PILRA: variants seen among roughly 807,000 people sequenced by gnomAD.
The protein encoded by PILRA is paired immunoglobin like type 2 receptor alpha, also known as paired immunoglobulin-like type 2 receptor alpha.
In PILRA, 37 loss-of-function variants were observed where a neutral mutation model predicts 33.1. The ratio of observed to expected loss-of-function variants is 1.12; its 90% CI spans 0.86 to 1.47. PILRA has a LOEUF of 1.47. Ranked by LOEUF, PILRA falls within the 40% of genes most tolerant of loss-of-function variation. The pLI is 0.00. For missense variants in PILRA, 312 were observed against 376.2 expected (o/e 0.83, Z 1.41); for synonymous variants, 146 against 149.9 (o/e 0.97, Z 0.19).
intron 2 of PILRA, among the ~76,000 whole-genome samples, chr7:100,389,102 T>C (rs936728262): frequency 1.3e-5 from 2 of 152,214 alleles, no homozygotes; most frequent in African/African-American, 4.8e-5. Flanking sequence ...TAGAGATTTC[T>C]ATATCTTGAA....
rs111875903 is a variant in PILRA at position 100,392,013 on chromosome 7, T to G, written c.673+1907T>G. 3.5e-3 allele frequency among the ~76,000 whole-genome samples: 539 copies of G among 152,164 alleles called. 4 individuals carry two copies. The highest frequency in any genetic ancestry group is 0.012 in the African/African-American group (511 of 41,538). On this transcript the variant is annotated intron_variant, in intron 3 of 6. Transcript: ENST00000198536. ...GATCTGAAGTTACCATCAAGAATGT[T>G]TGCAATGGGCTAGGCATGATGGCTC...
At chr7:100,388,218 G>C (rs1160626613) in intron 2 of PILRA, among the ~76,000 whole-genome samples, 2 of 152,036 alleles carry the variant, frequency 1.3e-5, no homozygotes, top group Non-Finnish European at 2.9e-5. Context: ...TTTCTCTTAA[G>C]AGTGGATGAA....
chr7:100,395,798 G>A (rs1243773664), intron 3 of PILRA, among the ~76,000 whole-genome samples: 3 of 152,022 alleles, frequency 2.0e-5, no homozygotes, highest in Non-Finnish European at 4.4e-5. Flanking sequence ...TAGTGCAAAT[G>A]ATACAGAAAA....
chr7:100,394,407 A>G (rs1791449709), intron 3 of PILRA, among the ~76,000 whole-genome samples: 1 of 152,114 alleles, frequency 6.6e-6, no homozygotes, highest in Non-Finnish European at 1.5e-5. Flanking sequence ...CTACAGACCA[A>G]TAACTCTGAT....
At chr7:100,373,861 C>G (rs942206151) in intron 1 of PILRA, 141 bp downstream of exon 1, 3 of 1,271,932 alleles carry the variant, frequency 2.4e-6, no homozygotes, top group African/African-American at 3.0e-5. Flanking sequence ...GGCGGGTGAC[C>G]CCATCCTCTC....
chr7:100,394,922 T>A (rs1006116931), intron 3 of PILRA, among the ~76,000 whole-genome samples: 1 of 152,104 alleles, frequency 6.6e-6, no homozygotes, highest in Non-Finnish European at 1.5e-5. Context: ...ATTTCTTGCC[T>A]GTGATACCAA....
At position 100,378,309 on chromosome 7, in the gene PILRA, G is replaced by A. The variant is rs115946818; in HGVS notation, c.454+3876G>A. Among the ~76,000 whole-genome samples, 619 of 151,854 alleles carry A rather than the reference G, an allele frequency of 4.1e-3. 5 individuals carry two copies. Among genetic ancestry groups the A allele is most frequent in the African/African-American group, 0.014 (589 of 41,416 alleles). On this transcript the variant is annotated intron_variant, in intron 2 of 6. Coordinates refer to ENST00000198536, the MANE Select transcript of PILRA (RefSeq NM_013439.3). The stretch of plus-strand genomic sequence containing the variant: ...TGGGGCTGCAATGAGCTGTGATTTC[G>A]CAACTGCACTCCAGCCTGAGTGGCA...
chr7:100,392,639 G>A (rs1791413403), intron 3 of PILRA, among the ~76,000 whole-genome samples: 1 of 152,114 alleles, frequency 6.6e-6, no homozygotes, highest in African/African-American at 2.4e-5. Flanking sequence ...TACAATATTG[G>A]CATATTCATA....
At chr7:100,379,266 G>T (rs1420650972) in intron 2 of PILRA, among the ~76,000 whole-genome samples, 2 of 151,874 alleles carry the variant, frequency 1.3e-5, no homozygotes, top group African/African-American at 4.8e-5. Context: ...TGTAATCCCA[G>T]CCACTCGGGA....
At chr7:100,382,858 ACT>A (rs945944485) in intron 2 of PILRA, among the ~76,000 whole-genome samples, 5 of 152,032 alleles carry the variant, frequency 3.3e-5, no homozygotes, top group African/African-American at 1.2e-4. Flanking sequence ...AAAGGAAGAA[ACT>A]CTGAACACAT....
chr7:100,373,835 G>A (rs950843875), intron 1 of PILRA, 115 bp downstream of exon 1: 9 of 1,437,988 alleles, frequency 6.3e-6, no homozygotes, highest in Non-Finnish European at 6.7e-6. Flanking sequence ...CAGGAAACAA[G>A]GGCGGGTCCC....
chr7:100,388,749 CAAAAAAAAAAAAAAAA>C (rs913179599), intron 2 of PILRA, among the ~76,000 whole-genome samples: 77 of 12,866 alleles, frequency 6.0e-3, no homozygotes, highest in Non-Finnish European at 0.013. Context: ...GCCTCCGTCT[CAAAAAAAAAAAAAAAA>C]AAAAAAAAAA....
At chr7:100,397,126 TA>T (rs34593183) in intron 3 of PILRA, among the ~76,000 whole-genome samples, 4,389 of 125,680 alleles carry the variant, frequency 0.035, 217 homozygotes, top group African/African-American at 0.12. Flanking sequence ...GTCTAAACAT[TA>T]AAAAAAAAAA....
intron 2 of PILRA, 97 bp from the exon 3 acceptor site, chr7:100,389,791 C>A: frequency 1.0e-6 from 1 of 1,001,912 alleles, no homozygotes; most frequent in Non-Finnish European, 1.6e-6. Context: ...TCCCTCACCA[C>A]TAATGTCCCC....
intron 3 of PILRA, among the ~76,000 whole-genome samples, chr7:100,391,809 G>A (rs537835504): frequency 1.3e-5 from 2 of 152,360 alleles, no homozygotes; most frequent in African/African-American, 2.4e-5. Flanking sequence ...GGGGAAGAGA[G>A]GAGATCATGC....
chr7:100,397,972 T>C (rs1791535141), intron 4 of PILRA, 60 bp downstream of exon 4: 3 of 1,547,674 alleles, frequency 1.9e-6, no homozygotes, highest in African/African-American at 2.7e-5. Context: ...GTGGGCTGAT[T>C]TGGGAAACAG....
chr7:100,387,294 A>C (rs1584222185), intron 2 of PILRA, among the ~76,000 whole-genome samples: 1 of 152,048 alleles, frequency 6.6e-6, no homozygotes. Context: ...GCTCACTGCA[A>C]CCTCCGCCTC....
intron 2 of PILRA, among the ~76,000 whole-genome samples, chr7:100,389,081 T>C (rs1376819249): frequency 2.0e-5 from 3 of 152,176 alleles, no homozygotes; most frequent in African/African-American, 7.2e-5. Context: ...CAGTATCCTT[T>C]TCCTCTTCAG....
intron 3 of PILRA, among the ~76,000 whole-genome samples, chr7:100,390,954 A>T (rs899947427): frequency 1.3e-5 from 2 of 152,100 alleles, no homozygotes; most frequent in African/African-American, 4.8e-5. Flanking sequence ...AGGCTGGGTC[A>T]GTGCAGTGCA....
Sources: gnomAD v4.1 joint callset for allele counts (sites outside exome capture counted in the v4.1 genomes callset) on GRCh38, gnomAD v4.1.1 for gene constraint, MANE v1.5 for transcripts, NCBI Gene and HGNC (gene_info 2026-07-23, HGNC 2026-07-21) for gene names.